Variants in DROSHA observed in about 807,000 individuals in gnomAD.
DROSHA encodes the protein ribonuclease 3.
In DROSHA, 56 loss-of-function variants were observed where a neutral mutation model predicts 181.9. That is an observed-to-expected ratio of 0.31 (90% CI 0.25 to 0.38). DROSHA has a LOEUF of 0.38. DROSHA is among the 10% of genes least tolerant of loss of function. The pLI, the probability that DROSHA is intolerant of heterozygous loss-of-function variation, is 1.00. For synonymous variants in DROSHA, 524 were observed against 591.2 expected (o/e 0.89, Z 1.65); for missense variants, 1,218 against 1,743.5 (o/e 0.70, Z 5.37).
At position 31,515,504 on chromosome 5, in the gene DROSHA, C is replaced by T. The variant is rs1222196897; in HGVS notation, c.1008G>A (p.Glu336=). 1.3e-6 allele frequency: 2 copies of T among 1,505,314 alleles called. No individual in the cohort carries two copies. The highest frequency in any genetic ancestry group is 3.9e-5 in the Admixed American group (2 of 50,938). 93.2% of individuals were successfully genotyped at this position (1,505,314 alleles called of 1,614,324 possible). ...CCCAAGAATCTGTATTTTTAATAATCTCCCCAGGTAATTCTGGTGTGCATC... is the reference window on the plus strand; with the variant it reads ...CCCAAGAATCTGTATTTTTAATAATTTCCCCAGGTAATTCTGGTGTGCATC... The part of the protein sequence containing the change: ...PAGCTPELPG[E]IIKNTDSWAP... Residue 336 remains glutamate (E), a synonymous_variant, in exon 7 of 36, where the codon GAG becomes GAA. Transcript: ENST00000344624.
chr5:31,451,990 A>T (rs529928591), intron 20 of DROSHA, among the ~76,000 whole-genome samples: 1 of 152,334 alleles, frequency 6.6e-6, no homozygotes, highest in East Asian at 1.9e-4. Flanking sequence ...TTAAAAGAGG[A>T]AATACAAAAA....
intron 23 of DROSHA, among the ~76,000 whole-genome samples, chr5:31,447,008 G>A (rs1003991309): frequency 9.2e-5 from 14 of 151,974 alleles, no homozygotes; most frequent in African/African-American, 2.2e-4. Flanking sequence ...CCACTGCACC[G>A]CAGCCTGGGC....
intron 20 of DROSHA, among the ~76,000 whole-genome samples, chr5:31,460,299 T>G (rs1219973850): frequency 6.6e-6 from 1 of 152,182 alleles, no homozygotes; most frequent in Non-Finnish European, 1.5e-5. Context: ...CAGGTCCACA[T>G]TCGGTTCACA....
chr5:31,405,790 T>C lies in DROSHA; in HGVS notation c.3948-67A>G, dbSNP rs895596778. 2.4e-5 allele frequency: 28 copies of C among 1,179,162 alleles called. No homozygotes were observed. In the African/African-American group the frequency reaches 4.2e-4, roughly 18 times the overall value. The allele number at this position is 1,179,162 out of a possible 1,614,324, so 73.0% of individuals were successfully genotyped here. ...TTCTTTTTTTTTTTTTTTTTTTTTT[T>C]TCAAAAAATGCAAGGTATGGCTACA... On this transcript the variant is annotated intron_variant, in intron 34 of 35. Transcript: ENST00000344624.
chr5:31,495,062 G>T (rs1043023501), intron 12 of DROSHA, among the ~76,000 whole-genome samples: 1 of 152,076 alleles, frequency 6.6e-6, no homozygotes, highest in Admixed American at 6.5e-5. Flanking sequence ...TATGAATTTG[G>T]CTATTAAGTG....
At chr5:31,512,645 T>C (rs923590696) in intron 8 of DROSHA, among the ~76,000 whole-genome samples, 4 of 152,168 alleles carry the variant, frequency 2.6e-5, no homozygotes, top group South Asian at 4.1e-4. Context: ...GGACCCAATC[T>C]TAGAACAGGA....
At chr5:31,422,470 A>G (rs934121710) in intron 29 of DROSHA, among the ~76,000 whole-genome samples, 4 of 152,194 alleles carry the variant, frequency 2.6e-5, no homozygotes, top group African/African-American at 7.2e-5. Flanking sequence ...GCAGAGTCGA[A>G]TCACTGCACA....
rs542984595 is a variant in DROSHA at position 31,400,542 on chromosome 5, T to C, written c.*890A>G. The C allele has an allele frequency of 6.6e-6, 1 of 152,260 alleles. No individual in the cohort carries two copies. Among genetic ancestry groups the C allele is most frequent in the Non-Finnish European group, 1.5e-5 (1 of 68,056 alleles). The allele number at this position is 152,260 out of a possible 1,614,324, so 9.4% of individuals were successfully genotyped here. ...CTTTATTAATAAGAAACCAGTGATG[T>C]TTAGTTTGGAATAACTTTTTTTAAA... On this transcript the variant is annotated 3_prime_UTR_variant, in exon 36 of 36. Transcript: ENST00000344624.
At chr5:31,500,557 T>C (rs770224162) in intron 11 of DROSHA, among the ~76,000 whole-genome samples, 4 of 152,210 alleles carry the variant, frequency 2.6e-5, no homozygotes, top group Non-Finnish European at 4.4e-5. Flanking sequence ...ATGGATAAAG[T>C]ATCTACAGCT....
At chr5:31,416,616 G>C (rs1741982533) in intron 30 of DROSHA, among the ~76,000 whole-genome samples, 1 of 152,198 alleles carries the variant, frequency 6.6e-6, no homozygotes, top group South Asian at 2.1e-4. Flanking sequence ...AGGAAGAGTA[G>C]AAGATACCAG....
At chr5:31,485,069 T>C in intron 14 of DROSHA, 107 bp from the exon 15 acceptor site, 1 of 729,872 alleles carries the variant, frequency 1.4e-6, no homozygotes, top group Non-Finnish European at 2.2e-6. Flanking sequence ...GTTAAAACTA[T>C]ACTAAGACCA....
At chr5:31,479,049 TC>T (rs1054339889) in intron 16 of DROSHA, among the ~76,000 whole-genome samples, 40 of 152,202 alleles carry the variant, frequency 2.6e-4, no homozygotes, top group African/African-American at 9.4e-4. Flanking sequence ...CAAATTAATG[TC>T]CATCCATACT....
intron 19 of DROSHA, among the ~76,000 whole-genome samples, chr5:31,464,886 A>T (rs1748829321): frequency 6.6e-6 from 1 of 152,156 alleles, no homozygotes; most frequent in Admixed American, 6.5e-5. Context: ...CCCTTCAAAT[A>T]ATTGTAAAAA....
intron 3 of DROSHA, among the ~76,000 whole-genome samples, chr5:31,529,827 C>G (rs2150066398): frequency 6.6e-6 from 1 of 151,738 alleles, no homozygotes; most frequent in Middle Eastern, 3.5e-3. Context: ...CAAACATAAC[C>G]AGAATCTTGT....
rs60066421 is a variant in DROSHA, at chr5:31,447,707, T to C, written c.2882+840A>G. ...GGAAAAGGATCTGAATAGATATTTC[T>C]CTGAAGAAGATGAACAAATAGTCAA... On this transcript the variant is annotated intron_variant, in intron 23 of 35. Coordinates refer to ENST00000344624, the MANE Select transcript of DROSHA (RefSeq NM_001382508.1). Among the ~76,000 whole-genome samples, 805 of 152,314 alleles carry C rather than the reference T, an allele frequency of 5.3e-3. 11 individuals are homozygous for C. The highest frequency in any genetic ancestry group is 0.018 in the African/African-American group (756 of 41,576).
At chr5:31,433,531 A>G (rs1252582318) in intron 25 of DROSHA, among the ~76,000 whole-genome samples, 2 of 151,682 alleles carry the variant, frequency 1.3e-5, no homozygotes, top group Non-Finnish European at 2.9e-5. Context: ...TTTTCCATGC[A>G]CGCATTAGCA....
chr5:31,414,119 G>A (rs563156599), intron 30 of DROSHA, among the ~76,000 whole-genome samples: 1 of 152,314 alleles, frequency 6.6e-6, no homozygotes, highest in African/African-American at 2.4e-5. Context: ...AGCTGATGCA[G>A]TGAGGCTGGC....
intron 30 of DROSHA, among the ~76,000 whole-genome samples, chr5:31,414,600 T>C (rs1741735226): frequency 6.6e-6 from 1 of 152,230 alleles, no homozygotes; most frequent in Non-Finnish European, 1.5e-5. Flanking sequence ...GTTTTGAGAA[T>C]TAGAGTGGAT....
intron 6 of DROSHA, among the ~76,000 whole-genome samples, chr5:31,517,161 C>G (rs958513838): frequency 3.9e-5 from 6 of 152,136 alleles, no homozygotes; most frequent in Non-Finnish European, 8.8e-5. Flanking sequence ...TGTGAACATT[C>G]TGGTCACAGG....
Sources: allele counts gnomAD v4.1 joint callset (sites outside exome capture counted in the v4.1 genomes callset), GRCh38; gene constraint gnomAD v4.1.1; transcripts MANE v1.5; gene names NCBI Gene and HGNC (gene_info 2026-07-23, HGNC 2026-07-21).